The following PRKG1 variants were observed in gnomAD, a reference collection of about 807,000 sequenced individuals.
The protein encoded by PRKG1 is protein kinase cGMP-dependent 1.
PRKG1 carries 35 observed loss-of-function variants against 88.1 expected under a neutral mutation model. The observed-to-expected ratio is 0.40, with a 90% CI of 0.30 to 0.53. The LOEUF is 0.53. Ranked by LOEUF, PRKG1 falls within the 20% of genes least tolerant of loss-of-function variation. PRKG1 has a pLI of 0.59. For synonymous variants in PRKG1, 303 were observed against 292.5 expected (o/e 1.04, Z -0.37); for missense variants, 540 against 839.8 (o/e 0.64, Z 4.41).
chr10:52,292,094 T>C (rs1842263085), intron 17 of PRKG1, among the ~76,000 whole-genome samples: 1 of 152,182 alleles, frequency 6.6e-6, no homozygotes, highest in Admixed American at 6.5e-5. Flanking sequence ...CTTGGCCCAC[T>C]TTTTGATGGG....
In PRKG1 at chr10:50,991,392, A is replaced by T. The variant is rs749057103; in HGVS notation, c.14A>T (p.Glu5Val). 13 of 1,549,072 alleles carry T rather than the reference A, an allele frequency of 8.4e-6. No homozygotes were observed. Among genetic ancestry groups the T allele is most frequent in the Admixed American group, 2.0e-5 (1 of 50,598 alleles). Residue 5 changes from glutamate to valine, a missense_variant, in exon 1 of 18, where the codon GAG becomes GTG. Physicochemically the swap from Glu to Val is moderately radical, Grantham distance 121 (BLOSUM62 -2). Transcript: ENST00000401604. The surrounding 1 kb of genome is among the most constrained non-coding windows in gnomAD (Gnocchi z 4.5). ...CTCAGTGAAAAAATGAGCGAGCTAG[A>T]GGAAGACTTTGCCAAGATTCTCATG...
At position 52,169,198 on chromosome 10, in the gene PRKG1, G is replaced by A. The variant is rs115971563; in HGVS notation, c.1076+7235G>A. Among the ~76,000 whole-genome samples, 597 of 152,288 alleles carry A rather than the reference G, an allele frequency of 3.9e-3. 3 individuals are homozygous for A. The highest frequency in any genetic ancestry group is 0.014 in the African/African-American group (564 of 41,560). Reference sequence around the variant, plus strand: ...AGGTAGAAGGAACACCACATGCACAGAAACCAAGAATAGACTATGTGTTTT... The same window carrying A: ...AGGTAGAAGGAACACCACATGCACAAAAACCAAGAATAGACTATGTGTTTT... On this transcript the variant is annotated intron_variant, in intron 9 of 17. Transcript: ENST00000373980.
chr10:51,715,817 G>A (rs1465264552), intron 3 of PRKG1, among the ~76,000 whole-genome samples: 1 of 152,162 alleles, frequency 6.6e-6, no homozygotes, highest in African/African-American at 2.4e-5. Context: ...AAACTTAGAT[G>A]TGTATTACTA....
chr10:52,287,882 T>C (rs574162307), intron 14 of PRKG1, among the ~76,000 whole-genome samples: 1 of 152,128 alleles, frequency 6.6e-6, no homozygotes, highest in African/African-American at 2.4e-5. Context: ...ATTGCCTCCT[T>C]AGTATGTACA....
In PRKG1 at chr10:51,334,133, C is replaced by T. The variant is rs191677957; in HGVS notation, c.479-133590C>T. 8.6e-3 allele frequency among the ~76,000 whole-genome samples: 1,216 copies of T among 141,462 alleles called. 11 individuals are homozygous for T. The highest frequency in any genetic ancestry group is 0.015 in the Non-Finnish European group (949 of 64,552). The allele number at this position is 141,462 out of a possible 152,430, so 92.8% of individuals were successfully genotyped here. ...CTTGTAATAGGAGTCCACTGCCCTT[C>T]CTTTCTTTCTCTCTCTCTTTCTCTC... On this transcript the variant is annotated intron_variant, in intron 2 of 17. Coordinates refer to ENST00000373980, the MANE Select transcript of PRKG1 (RefSeq NM_006258.4).
intron 1 of PRKG1, among the ~76,000 whole-genome samples, chr10:51,052,003 GA>G (rs1223351560): frequency 6.6e-6 from 1 of 152,012 alleles, no homozygotes; most frequent in African/African-American, 2.4e-5. Context: ...ATTGGTAACA[GA>G]AAAAAGATAA....
intron 3 of PRKG1, among the ~76,000 whole-genome samples, chr10:51,500,992 C>T (rs915640071): frequency 1.3e-5 from 2 of 152,054 alleles, no homozygotes; most frequent in Non-Finnish European, 2.9e-5. Context: ...AAGTTCTGAG[C>T]GCTACGTTTC....
rs1840759749 is a variant in PRKG1, at chr10:51,858,335, AT to A, written c.699-49171del. 1.7e-4 allele frequency among the ~76,000 whole-genome samples: 6 copies of A among 35,256 alleles called. 1 individual carries two copies. The highest frequency in any genetic ancestry group is 3.4e-4 in the Non-Finnish European group (6 of 17,398). 23.1% of individuals were successfully genotyped at this position (35,256 alleles called of 152,430 possible). A position where few individuals can be genotyped will look rare whatever the true frequency, so the allele number is the denominator to read the frequency against. On this transcript the variant is annotated intron_variant, in intron 4 of 17. Coordinates refer to ENST00000373980, the MANE Select transcript of PRKG1 (RefSeq NM_006258.4). ...ATGTATAATATGTATTATATATAAT[AT>A]ATATATTATATAAAATATATATATT...
chr10:51,494,142 C>T (rs1365380150), intron 3 of PRKG1, among the ~76,000 whole-genome samples: 1 of 152,004 alleles, frequency 6.6e-6, no homozygotes, highest in African/African-American at 2.4e-5. Flanking sequence ...CTCACTGCAC[C>T]CTTGAACTGG....
intron 3 of PRKG1, among the ~76,000 whole-genome samples, chr10:51,761,946 C>T (rs1838031899): frequency 6.6e-6 from 1 of 152,040 alleles, no homozygotes; most frequent in Non-Finnish European, 1.5e-5. Flanking sequence ...AGAATTTTCA[C>T]TGAGTTAGTA....
At chr10:52,219,585 A>G (rs570066060) in intron 9 of PRKG1, among the ~76,000 whole-genome samples, 2 of 152,178 alleles carry the variant, frequency 1.3e-5, no homozygotes, top group South Asian at 4.1e-4. Flanking sequence ...CCTCAAGTAA[A>G]CTGTTGGAAA....
intron 9 of PRKG1, among the ~76,000 whole-genome samples, chr10:52,168,842 C>G (rs1276661257): frequency 6.6e-6 from 1 of 151,978 alleles, no homozygotes; most frequent in Non-Finnish European, 1.5e-5. Context: ...AGAGAAGTGA[C>G]AGAATTCACT....
intron 4 of PRKG1, among the ~76,000 whole-genome samples, chr10:51,814,413 C>T (rs1839532843): frequency 6.7e-6 from 1 of 149,866 alleles, no homozygotes; most frequent in Non-Finnish European, 1.5e-5. Context: ...CATATTAAAA[C>T]AATTTGGGGG....
At chr10:51,490,834 A>G (rs939193495) in intron 3 of PRKG1, among the ~76,000 whole-genome samples, 1 of 152,152 alleles carries the variant, frequency 6.6e-6, no homozygotes, top group African/African-American at 2.4e-5. Flanking sequence ...AAGTGTCCAT[A>G]TTGTTTGATT....
chr10:51,795,135 G>A (rs1194574988), intron 3 of PRKG1, among the ~76,000 whole-genome samples: 2 of 151,978 alleles, frequency 1.3e-5, no homozygotes, highest in Non-Finnish European at 2.9e-5. Flanking sequence ...TGGTGAATTG[G>A]TTTCCAACAA....
chr10:52,060,106 G>T (rs891046551), intron 6 of PRKG1, among the ~76,000 whole-genome samples: 1 of 151,814 alleles, frequency 6.6e-6, no homozygotes, highest in African/African-American at 2.4e-5. Flanking sequence ...ATATGTCAGT[G>T]TAAGAATGGT....
chr10:51,960,048 C>A lies in PRKG1; in HGVS notation c.762+52478C>A, dbSNP rs142135785. ...TAGGATCCATTACAGTGTTCTATAG[C>A]TGCAGAAACTTCTAGACATCATCTA... On this transcript the variant is annotated intron_variant, in intron 5 of 17. Coordinates refer to ENST00000373980, the MANE Select transcript of PRKG1 (RefSeq NM_006258.4). Among the ~76,000 whole-genome samples the A allele has an allele frequency of 3.3e-3, 494 of 151,728 alleles. 5 individuals carry two copies. The highest frequency in any genetic ancestry group is 0.011 in the African/African-American group (470 of 41,374).
At chr10:51,367,923 C>A (rs1842623276) in intron 2 of PRKG1, among the ~76,000 whole-genome samples, 1 of 151,924 alleles carries the variant, frequency 6.6e-6, no homozygotes, top group African/African-American at 2.4e-5. Flanking sequence ...AGCTTGACCC[C>A]TCTGCCCAGC....
At chr10:51,841,619 A>C (rs1840276442) in intron 4 of PRKG1, among the ~76,000 whole-genome samples, 1 of 152,004 alleles carries the variant, frequency 6.6e-6, no homozygotes, top group Non-Finnish European at 1.5e-5. Flanking sequence ...TTTATTCAGA[A>C]ATGTCATGAA....
Sources: gnomAD v4.1 joint callset for allele counts (sites outside exome capture counted in the v4.1 genomes callset) on GRCh38, gnomAD v4.1.1 for gene constraint, Gnocchi (gnomAD v3.1) non-coding constraint, MANE v1.5 for transcripts, NCBI Gene and HGNC (gene_info 2026-07-23, HGNC 2026-07-21) for gene names.